Variants in RBFOX1 observed in about 807,000 individuals in gnomAD.
The protein encoded by RBFOX1 is RNA binding protein fox-1 homolog 1.
In RBFOX1, 8 loss-of-function variants were observed where a neutral mutation model predicts 57.7. The observed-to-expected ratio is 0.14, with a 90% CI of 0.08 to 0.25. The LOEUF (loss-of-function observed/expected upper bound fraction) is 0.25. RBFOX1 is among the 10% of genes least tolerant of loss of function. RBFOX1 has a pLI of 1.00. For missense variants in RBFOX1, 611 were observed against 548.5 expected (o/e 1.11, Z -1.14); for synonymous variants, 326 against 222.4 (o/e 1.47, Z -4.15).
intron 4 of RBFOX1, among the ~76,000 whole-genome samples, chr16:7,122,013 A>G (rs995464586): frequency 2.0e-5 from 3 of 152,080 alleles, no homozygotes; most frequent in African/African-American, 7.2e-5. Flanking sequence ...CTCAAAATGG[A>G]TCATAGATCT....
At chr16:6,065,019 C>G (rs766559634) in intron 1 of RBFOX1, among the ~76,000 whole-genome samples, 7 of 150,968 alleles carry the variant, frequency 4.6e-5, no homozygotes, top group Non-Finnish European at 7.4e-5. Flanking sequence ...TCTTTTCTTT[C>G]TTTCTTTCTT....
intron 2 of RBFOX1, among the ~76,000 whole-genome samples, chr16:6,597,075 A>T (rs2097783291): frequency 6.6e-6 from 1 of 152,140 alleles, no homozygotes; most frequent in African/African-American, 2.4e-5. Context: ...TGTCACCCTG[A>T]CTGCAGCTAG....
At chr16:6,956,192 A>G (rs1018015560) in intron 3 of RBFOX1, among the ~76,000 whole-genome samples, 8 of 152,144 alleles carry the variant, frequency 5.3e-5, no homozygotes, top group African/African-American at 1.7e-4. Flanking sequence ...GAGAATGGAG[A>G]TGGGAGTACC....
intron 4 of RBFOX1, among the ~76,000 whole-genome samples, chr16:7,200,378 G>A (rs771985576): frequency 7.2e-5 from 11 of 152,302 alleles, no homozygotes; most frequent in African/African-American, 2.6e-4. Context: ...CATGTGCATC[G>A]TTAAGTATCA....
intron 4 of RBFOX1, among the ~76,000 whole-genome samples, chr16:7,513,957 T>C (rs2075782374): frequency 6.6e-6 from 1 of 152,200 alleles, no homozygotes; most frequent in Non-Finnish European, 1.5e-5. Flanking sequence ...CTATCACCCC[T>C]CTTTGGTTTG....
chr16:7,194,752 A>C (rs570833479), intron 4 of RBFOX1, among the ~76,000 whole-genome samples: 1 of 147,370 alleles, frequency 6.8e-6, no homozygotes, highest in African/African-American at 2.5e-5. Context: ...ATATAGTCAA[A>C]CCTCATCTCT....
intron 4 of RBFOX1, among the ~76,000 whole-genome samples, chr16:7,432,795 G>A (rs2098692577): frequency 6.6e-6 from 1 of 152,180 alleles, no homozygotes; most frequent in East Asian, 1.9e-4. Context: ...GCATTCTGTT[G>A]ATTCCTGGAA....
rs572832099 is a variant in RBFOX1 at position 5,667,045 on chromosome 16, A to C, written c.318+68084A>C. On this transcript the variant is annotated intron_variant, in intron 3 of 19. Transcript: ENST00000641259. ...CCTCAAATTTCATTTGAGGTTGATA[A>C]GATGCCTGTTCTGCCGTCTACCTTC... Among the ~76,000 whole-genome samples the C allele has an allele frequency of 2.0e-5, 3 of 152,328 alleles. No homozygotes were observed. The South Asian group carries it at 6.2e-4, about 32-fold the overall frequency.
intron 3 of RBFOX1, among the ~76,000 whole-genome samples, chr16:6,694,367 A>G (rs2060705543): frequency 6.6e-6 from 1 of 152,206 alleles, no homozygotes; most frequent in African/African-American, 2.4e-5. Flanking sequence ...TGTAGATTAT[A>G]TCCACAGTTC....
chr16:6,803,841 A>G (rs1195522092), intron 3 of RBFOX1, among the ~76,000 whole-genome samples: 1 of 152,178 alleles, frequency 6.6e-6, no homozygotes, highest in Non-Finnish European at 1.5e-5. Flanking sequence ...ATTTTTTCCT[A>G]AAGAACTCCT....
chr16:7,020,357 C>A (rs144827071), intron 3 of RBFOX1, among the ~76,000 whole-genome samples: 2,451 of 152,074 alleles, frequency 0.016, 74 homozygotes, highest in African/African-American at 0.055. Flanking sequence ...TACGGAGTAG[C>A]TGGGATTACA....
chr16:5,681,183 C>G (rs1372867466), intron 3 of RBFOX1, among the ~76,000 whole-genome samples: 1 of 151,674 alleles, frequency 6.6e-6, no homozygotes, highest in African/African-American at 2.4e-5. Context: ...ATGCCATTCT[C>G]ATGCCTCAGC....
chr16:6,367,396 G>C (rs1449708757), intron 2 of RBFOX1, among the ~76,000 whole-genome samples: 1 of 152,038 alleles, frequency 6.6e-6, no homozygotes, highest in Admixed American at 6.6e-5. Context: ...TCAGCCTCCT[G>C]AGTAGCTGGG....
Position 6,112,006 on chromosome 16 carries a change from A to G in RBFOX1, c.-127+92014A>G, listed in dbSNP as rs144521476. ...TAAAACTTAATCTGTCTCATTTTCC[A>G]TTTAGTGATCTGATAAAAAAAAAGT... On this transcript the variant is annotated intron_variant, in intron 1 of 15. Transcript: ENST00000550418. Among the ~76,000 whole-genome samples the G allele has an allele frequency of 2.2e-3, 331 of 151,490 alleles. 7 individuals carry two copies. The highest frequency in any genetic ancestry group is 7.2e-3 in the African/African-American group (296 of 41,364).
At chr16:7,546,462 A>C (rs1318816257) in intron 5 of RBFOX1, among the ~76,000 whole-genome samples, 1 of 152,250 alleles carries the variant, frequency 6.6e-6, no homozygotes, top group Non-Finnish European at 1.5e-5. Flanking sequence ...TGGTGTGCTT[A>C]AACCCATATT....
chr16:5,768,282 C>T (rs572093173), intron 3 of RBFOX1, among the ~76,000 whole-genome samples: 9 of 152,234 alleles, frequency 5.9e-5, no homozygotes, highest in African/African-American at 1.7e-4. Flanking sequence ...ACAAAGGAAG[C>T]GCTGAAATGT....
At chr16:6,582,253 T>C (rs545485350) in intron 2 of RBFOX1, among the ~76,000 whole-genome samples, 25 of 152,232 alleles carry the variant, frequency 1.6e-4, no homozygotes, top group Non-Finnish European at 2.6e-4. Context: ...GCTCATTGAA[T>C]TTATGATTAG....
intron 4 of RBFOX1, among the ~76,000 whole-genome samples, chr16:7,367,481 G>A (rs2097477691): frequency 6.6e-6 from 1 of 152,142 alleles, no homozygotes; most frequent in African/African-American, 2.4e-5. Flanking sequence ...TGTGTACGTG[G>A]CCTCTCAGGA....
intron 1 of RBFOX1, among the ~76,000 whole-genome samples, chr16:6,143,334 C>T (rs1388846756): frequency 2.0e-5 from 3 of 152,102 alleles, no homozygotes; most frequent in African/African-American, 7.2e-5. Context: ...GTTTGTGTAC[C>T]AGATGAGAAG....
Sources: gnomAD v4.1 joint callset for allele counts (sites outside exome capture counted in the v4.1 genomes callset) on GRCh38, gnomAD v4.1.1 for gene constraint, MANE v1.5 for transcripts, NCBI Gene and HGNC (gene_info 2026-07-23, HGNC 2026-07-21) for gene names.